Variants in SMARCAL1 observed in about 807,000 individuals in gnomAD.
SMARCAL1 encodes the protein SNF2 related chromatin remodeling annealing helicase 1.
SMARCAL1 carries 58 observed loss-of-function variants against 94.5 expected under a neutral mutation model. The observed-to-expected ratio is 0.61, with a 90% CI of 0.50 to 0.76. The LOEUF is 0.76. Ranked by LOEUF, SMARCAL1 falls within the 30% of genes least tolerant of loss-of-function variation. The pLI is 0.00. For missense variants in SMARCAL1, 1,051 were observed against 1,177.9 expected (o/e 0.89, Z 1.58); for synonymous variants, 422 against 455.1 (o/e 0.93, Z 0.93).
At position 216,447,043 on chromosome 2, in the gene SMARCAL1, C is replaced by G; in HGVS notation, c.1736C>G (p.Ser579Trp). ...GTTGCCAAGAGGGTGATCCTGTTGT[C>G]GGGCACACCAGCCATGTCCCGGCCC... ...LKVAKRVILL[S>W]GTPAMSRPAE... Residue 579 changes from serine to tryptophan, a missense_variant, in exon 11 of 18, where the codon TCG becomes TGG. Ser to Trp is a radical substitution (Grantham distance 177). Transcript: ENST00000357276. 1.2e-6 allele frequency: 2 copies of G among 1,613,926 alleles called. No individual in the cohort carries two copies. The highest frequency in any genetic ancestry group is 1.7e-6 in the Non-Finnish European group (2 of 1,180,002).
At position 216,478,272 on chromosome 2, in the gene SMARCAL1, G is replaced by T. The variant is rs987751602; in HGVS notation, c.2598G>T (p.Met866Ile). ...TTTCTGAGACCAATTTTTCAGAAATGACAGAATCCACTGATTACCTCTACA... is the reference window on the plus strand; with the variant it reads ...TTTCTGAGACCAATTTTTCAGAAATTACAGAATCCACTGATTACCTCTACA... ...AGLSETNFSEMTESTDYLYKD... is the reference protein window; with the variant it reads ...AGLSETNFSEITESTDYLYKD... Residue 866 changes from methionine to isoleucine, a missense_variant, in exon 17 of 18, where the codon ATG (methionine) becomes ATT (isoleucine). Physicochemically the swap from Met to Ile is conservative, Grantham distance 10. Around this residue, in one of 3 missense-constraint regions of SMARCAL1, gnomAD observed 642 missense variants for 754.7 expected, o/e 0.85. Coordinates refer to ENST00000357276, the MANE Select transcript of SMARCAL1 (RefSeq NM_014140.4). 6.2e-7 allele frequency: 1 copy of T among 1,613,996 alleles called. No individual in the cohort carries two copies. Among genetic ancestry groups the T allele is most frequent in the Non-Finnish European group, 8.5e-7 (1 of 1,179,880 alleles).
intron 13 of SMARCAL1, among the ~76,000 whole-genome samples, chr2:216,465,644 A>G (rs1013230644): frequency 6.6e-6 from 1 of 151,976 alleles, no homozygotes; most frequent in Non-Finnish European, 1.5e-5. Context: ...TTTAAATATC[A>G]CTGGGGTAGA....
intron 3 of SMARCAL1, chr2:216,416,047 C>T (rs1693593437): frequency 3.8e-6 from 2 of 529,396 alleles, no homozygotes; most frequent in Admixed American, 5.3e-5. Context: ...TCATAACTTC[C>T]CAGGGCCTGA....
chr2:216,431,140 C>T (rs1185999072), intron 7 of SMARCAL1, among the ~76,000 whole-genome samples: 1 of 152,258 alleles, frequency 6.6e-6, no homozygotes, highest in African/African-American at 2.4e-5. Flanking sequence ...GTTGTCCCCA[C>T]ACTCTACTGG....
intron 3 of SMARCAL1, 114 bp downstream of exon 3, chr2:216,415,629 C>T: frequency 9.9e-7 from 1 of 1,010,142 alleles, no homozygotes; most frequent in Non-Finnish European, 1.5e-6. Flanking sequence ...TGCTGTCCAT[C>T]CAGTTGTTAA....
rs1418554880 is a variant in SMARCAL1 at position 216,412,539 on chromosome 2, C to A, written c.-205C>A. 1 of 152,340 alleles carries A rather than the reference C, an allele frequency of 6.6e-6. No individual in the cohort carries two copies. Among genetic ancestry groups the A allele is most frequent in the Non-Finnish European group, 1.5e-5 (1 of 68,118 alleles). The allele number at this position is 152,340 out of a possible 1,614,324, so 9.4% of individuals were successfully genotyped here. On this transcript the variant is annotated 5_prime_UTR_variant, in exon 1 of 18. Coordinates refer to ENST00000357276, the MANE Select transcript of SMARCAL1 (RefSeq NM_014140.4). ...CTGGCGAACTCGCAGCGCTTGAATACCCGTGGCCTAACCGTCCACTCGGAA... is the reference window on the plus strand; with the variant it reads ...CTGGCGAACTCGCAGCGCTTGAATAACCGTGGCCTAACCGTCCACTCGGAA...
At chr2:216,428,181 T>G (rs867676490) in intron 6 of SMARCAL1, among the ~76,000 whole-genome samples, 1 of 152,232 alleles carries the variant, frequency 6.6e-6, no homozygotes, top group Non-Finnish European at 1.5e-5. Flanking sequence ...GTAGTTCCAC[T>G]GCCAGAGGTC....
intron 10 of SMARCAL1, among the ~76,000 whole-genome samples, chr2:216,438,719 G>A (rs1694131655): frequency 6.6e-6 from 1 of 152,104 alleles, no homozygotes. Context: ...AGTCAGTAGT[G>A]CTGCCTTTGT....
In SMARCAL1 at chr2:216,428,641, C is replaced by T. The variant is rs1337608474; in HGVS notation, c.1193C>T (p.Pro398Leu). ...CCACAAGTTCAGCTGGACCCTCTGC[C>T]CACGACTCTCACCCTGGCGTTTGCT... ...CLPQVQLDPL[P>L]TTLTLAFASQ... The change falls in exon 7 of 18, where the codon CCC becomes CTC. Residue 398 changes from proline to leucine, a missense_variant. This residue lies in a region of SMARCAL1 where 642 missense variants were observed against 754.7 expected (regional missense o/e 0.85). Transcript: ENST00000357276. The T allele has an allele frequency of 2.5e-6, 4 of 1,614,188 alleles. No homozygotes were observed. The highest frequency in any genetic ancestry group is 1.3e-5 in the African/African-American group (1 of 75,060).
intron 17 of SMARCAL1, among the ~76,000 whole-genome samples, chr2:216,479,685 T>C (rs1448435049): frequency 1.3e-5 from 2 of 152,314 alleles, no homozygotes; most frequent in East Asian, 3.9e-4. Flanking sequence ...AAAACAACCT[T>C]ATTTTTAAGC....
intron 12 of SMARCAL1, among the ~76,000 whole-genome samples, chr2:216,461,229 ATACTTTTTAAAAG>A (rs1694693492): frequency 6.6e-6 from 1 of 152,094 alleles, no homozygotes; most frequent in Admixed American, 6.6e-5. Flanking sequence ...TTCTGTAACT[ATACTTTTTAAAAG>A]TACAAACAAG....
rs16856180 is a variant in SMARCAL1 at position 216,446,735 on chromosome 2, C to A, written c.1711-283C>A. On this transcript the variant is annotated intron_variant, in intron 10 of 17. Transcript: ENST00000357276. ...AAAATAAAGGTGAATACAGCCCAGT[C>A]CTTGATCTCAAGAGGCTTGCAGTCT... 3,228 of 583,930 alleles carry A rather than the reference C, an allele frequency of 5.5e-3. 90 individuals carry two copies. The highest frequency in any genetic ancestry group is 0.053 in the African/African-American group (2,884 of 54,596). The allele number at this position is 583,930 out of a possible 1,614,324, so 36.2% of individuals were successfully genotyped here.
chr2:216,482,867 TC>T lies in SMARCAL1; in HGVS notation c.2758del (p.Gln920ArgfsTer12). 6.2e-7 allele frequency: 1 copy of T among 1,614,124 alleles called. No individual in the cohort carries two copies. The highest frequency in any genetic ancestry group is 8.5e-7 in the Non-Finnish European group (1 of 1,180,032). ...TGCTTCAGGAACATCTGGAAGTAGT[TC>T]CCAGAACATGGGAGACACCCTGGAT... ...GSASGTSGSS[S>X]QNMGDTLDES... On this transcript the variant is annotated frameshift_variant, in exon 18 of 18. Coordinates refer to ENST00000357276, the MANE Select transcript of SMARCAL1 (RefSeq NM_014140.4). LOFTEE classifies it high-confidence loss of function. The surrounding 1 kb of genome is among the most constrained non-coding windows in gnomAD (Gnocchi z 4.3).
intron 12 of SMARCAL1, among the ~76,000 whole-genome samples, chr2:216,457,570 C>T (rs1266688342): frequency 2.0e-5 from 3 of 152,132 alleles, no homozygotes; most frequent in Non-Finnish European, 1.5e-5. Context: ...AACTGAACAA[C>T]CTGCTCCTGA....
In SMARCAL1 at chr2:216,475,285, G is replaced by A. The variant is rs753533155; in HGVS notation, c.2261G>A (p.Arg754His). Residue 754 changes from arginine (R) to histidine (H), a missense_variant, in exon 15 of 18, where the codon CGC (arginine) becomes CAC (histidine). By Grantham distance (29) the Arg-to-His change is conservative. Transcript: ENST00000357276. This position sits in a 1 kb window ranked among gnomAD's most constrained non-coding sequence, Gnocchi z 4.4. ...TTCCTGCAGCACGTGCAGCACATCCGCATCGATGGCTCCACCTCATCAGCT... is the reference window on the plus strand; with the variant it reads ...TTCCTGCAGCACGTGCAGCACATCCACATCGATGGCTCCACCTCATCAGCT... The part of the protein sequence containing the change: ...ELERKHVQHI[R>H]IDGSTSSAER... 9.9e-6 allele frequency: 16 copies of A among 1,614,036 alleles called. No individual in the cohort carries two copies. The highest frequency in any genetic ancestry group is 3.3e-5 in the Admixed American group (2 of 59,996).
intron 6 of SMARCAL1, among the ~76,000 whole-genome samples, chr2:216,426,271 GA>G (rs1411531400): frequency 1.3e-5 from 2 of 152,210 alleles, no homozygotes; most frequent in Non-Finnish European, 2.9e-5. Context: ...GACTTTTATG[GA>G]ATGACAAAAA....
intron 9 of SMARCAL1, among the ~76,000 whole-genome samples, chr2:216,436,013 G>C (rs1694074391): frequency 6.6e-6 from 1 of 152,202 alleles, no homozygotes; most frequent in East Asian, 1.9e-4. Context: ...TTGTCACCCA[G>C]GCTGGAGTGC....
Sources: gnomAD v4.1 joint callset for allele counts (sites outside exome capture counted in the v4.1 genomes callset) on GRCh38, gnomAD v4.1.1 for gene constraint, gnomAD v4.1.1 regional missense constraint, Gnocchi (gnomAD v3.1) non-coding constraint, MANE v1.5 for transcripts, NCBI Gene and HGNC (gene_info 2026-07-23, HGNC 2026-07-21) for gene names.